STX12: variants seen among roughly 807,000 people sequenced by gnomAD.
STX12 encodes the protein syntaxin-12.
Under a neutral mutation model 42.2 loss-of-function variants are expected in STX12, and 17 were observed. The observed-to-expected ratio is 0.40, with a 90% CI of 0.28 to 0.60. STX12 has a LOEUF of 0.60. Ranked by LOEUF, STX12 falls within the 20% of genes least tolerant of loss-of-function variation. The pLI, the probability that STX12 is intolerant of heterozygous loss-of-function variation, is 0.39. For synonymous variants in STX12, 108 were observed against 116.7 expected (o/e 0.93, Z 0.48); for missense variants, 297 against 330.9 (o/e 0.90, Z 0.79).
At chr1:27,784,997 T>C (rs942444523) in intron 1 of STX12, among the ~76,000 whole-genome samples, 4 of 152,072 alleles carry the variant, frequency 2.6e-5, no homozygotes, top group African/African-American at 4.8e-5. Flanking sequence ...AGTTCTCCAC[T>C]GAGAATATGC....
intron 1 of STX12, among the ~76,000 whole-genome samples, chr1:27,782,186 C>T (rs140491319): frequency 3.5e-4 from 54 of 152,238 alleles, no homozygotes; most frequent in African/African-American, 1.3e-3. Context: ...TAGGTCACTG[C>T]AACCTTGAAC....
chr1:27,804,480 C>T (rs893408618), intron 4 of STX12, among the ~76,000 whole-genome samples: 1 of 150,436 alleles, frequency 6.6e-6, no homozygotes, highest in African/African-American at 2.5e-5. Context: ...AAAAAAATTA[C>T]TAAGGACCTG....
At chr1:27,812,418 T>C in intron 6 of STX12, 150 bp downstream of exon 6, 1 of 654,838 alleles carries the variant, frequency 1.5e-6, no homozygotes, top group Non-Finnish European at 2.5e-6. Flanking sequence ...GTAATCATGG[T>C]GGGTTTGAAC....
At chr1:27,780,394 G>C (rs983253615) in intron 1 of STX12, among the ~76,000 whole-genome samples, 2 of 149,098 alleles carry the variant, frequency 1.3e-5, no homozygotes, top group African/African-American at 4.9e-5. Flanking sequence ...TTTTAGTAGA[G>C]ACAGGGTTTC....
At chr1:27,787,679 G>T (rs1001856347) in intron 1 of STX12, among the ~76,000 whole-genome samples, 2 of 151,690 alleles carry the variant, frequency 1.3e-5, no homozygotes, top group Non-Finnish European at 2.9e-5. Context: ...AAGATTTAGG[G>T]ACTATTAGCA....
At chr1:27,815,925 C>G (rs930373497) in intron 6 of STX12, among the ~76,000 whole-genome samples, 1 of 152,166 alleles carries the variant, frequency 6.6e-6, no homozygotes, top group Non-Finnish European at 1.5e-5. Flanking sequence ...CCTGTAATCC[C>G]AGCACTTTGG....
At chr1:27,797,508 G>A (rs2088795394) in intron 3 of STX12, among the ~76,000 whole-genome samples, 1 of 152,084 alleles carries the variant, frequency 6.6e-6, no homozygotes, top group African/African-American at 2.4e-5. Context: ...ATCCTCCTAA[G>A]AGTGGGCATG....
chr1:27,800,747 A>G (rs2088822669), intron 3 of STX12, among the ~76,000 whole-genome samples: 1 of 151,918 alleles, frequency 6.6e-6, no homozygotes, highest in Admixed American at 6.6e-5. Flanking sequence ...TTGAACTCCT[A>G]GGCTCAAGTG....
chr1:27,794,528 G>C (rs1480855298), intron 3 of STX12, among the ~76,000 whole-genome samples: 1 of 152,024 alleles, frequency 6.6e-6, no homozygotes, highest in Admixed American at 6.6e-5. Context: ...AATTTTTACT[G>C]AGATTCATTG....
Position 27,811,552 on chromosome 1 carries a change from G to A in STX12, c.471-611G>A, listed in dbSNP as rs541091029. 3.3e-3 allele frequency among the ~76,000 whole-genome samples: 505 copies of A among 151,788 alleles called. 4 individuals carry two copies. The highest frequency in any genetic ancestry group is 0.012 in the African/African-American group (477 of 41,424). ...GGGTTTTGCTATGTTAGCCAGGTTG[G>A]TCTTGAACTCCTGGCCTCAAGCAGT... On this transcript the variant is annotated intron_variant, in intron 5 of 8. Coordinates refer to ENST00000373943, the MANE Select transcript of STX12 (RefSeq NM_177424.3).
chr1:27,785,780 T>C, intron 1 of STX12, among the ~76,000 whole-genome samples: 1 of 152,226 alleles, frequency 6.6e-6, no homozygotes, highest in Non-Finnish European at 1.5e-5. Context: ...CTAACTCAAT[T>C]AATCAGTAAT....
chr1:27,775,580 ATATT>A (rs1419575900), intron 1 of STX12, among the ~76,000 whole-genome samples: 1 of 152,164 alleles, frequency 6.6e-6, no homozygotes, highest in East Asian at 1.9e-4. Context: ...CCTTCAACAT[ATATT>A]TATTTGAGTA....
chr1:27,803,532 T>A (rs531859467), intron 4 of STX12, among the ~76,000 whole-genome samples: 2 of 152,276 alleles, frequency 1.3e-5, no homozygotes, highest in Non-Finnish European at 2.9e-5. Context: ...TCAGCACATC[T>A]TATTGAAGGA....
At chr1:27,809,601 T>C in intron 4 of STX12, among the ~76,000 whole-genome samples, 1 of 151,164 alleles carries the variant, frequency 6.6e-6, no homozygotes, top group East Asian at 2.0e-4. Context: ...GGACTACAGG[T>C]GCCCGCCACC....
intron 1 of STX12, among the ~76,000 whole-genome samples, chr1:27,777,956 T>C (rs1272844334): frequency 6.6e-6 from 1 of 152,004 alleles, no homozygotes; most frequent in Non-Finnish European, 1.5e-5. Context: ...AATCTGAAAT[T>C]GATGGGATGA....
chr1:27,811,431 C>T (rs1254106250), intron 5 of STX12, among the ~76,000 whole-genome samples: 1 of 151,862 alleles, frequency 6.6e-6, no homozygotes, highest in African/African-American at 2.4e-5. Context: ...AAAGCAAGAC[C>T]CCCATTTCTA....
intron 3 of STX12, among the ~76,000 whole-genome samples, chr1:27,796,411 C>G (rs894580063): frequency 2.6e-5 from 4 of 152,156 alleles, no homozygotes; most frequent in African/African-American, 9.7e-5. Flanking sequence ...CAGGGTCTCA[C>G]TCAGTTATCC....
intron 1 of STX12, among the ~76,000 whole-genome samples, chr1:27,776,577 C>T (rs906859508): frequency 3.9e-5 from 6 of 152,032 alleles, no homozygotes; most frequent in Non-Finnish European, 7.4e-5. Context: ...ATTAGCCAGA[C>T]ATGGTAGCAT....
At chr1:27,791,125 G>C (rs1188437997) in intron 2 of STX12, among the ~76,000 whole-genome samples, 5 of 152,210 alleles carry the variant, frequency 3.3e-5, no homozygotes, top group Non-Finnish European at 7.4e-5. Flanking sequence ...GCTGGGCATG[G>C]TGGCGCGTGC....
Sources: gnomAD v4.1 joint callset for allele counts (sites outside exome capture counted in the v4.1 genomes callset) on GRCh38, gnomAD v4.1.1 for gene constraint, MANE v1.5 for transcripts, NCBI Gene and HGNC (gene_info 2026-07-23, HGNC 2026-07-21) for gene names.